SBF2: variants seen among roughly 807,000 people sequenced by gnomAD.
The protein encoded by SBF2 is SET binding factor 2, also known as myotubularin-related protein 13.
Under a neutral mutation model 225.2 loss-of-function variants are expected in SBF2, and 112 were observed. The ratio of observed to expected loss-of-function variants is 0.50; its 90% CI spans 0.43 to 0.58. SBF2 has a LOEUF of 0.58. SBF2 is among the 20% of genes least tolerant of loss of function. The probability of loss-of-function intolerance (pLI) is 0.00; values close to 1 mark genes in which losing one functional copy is unlikely to be tolerated. For missense variants in SBF2, 1,996 were observed against 2,206.2 expected (o/e 0.90, Z 1.91); for synonymous variants, 763 against 773.3 (o/e 0.99, Z 0.22).
intron 16 of SBF2, among the ~76,000 whole-genome samples, chr11:9,944,189 T>C (rs1162396995): frequency 6.6e-6 from 1 of 152,222 alleles, no homozygotes; most frequent in South Asian, 2.1e-4. Flanking sequence ...TACATCCTTA[T>C]TGGGTAAAAC....
intron 2 of SBF2, among the ~76,000 whole-genome samples, chr11:10,046,895 AC>A (rs56334514): frequency 6.6e-6 from 1 of 150,796 alleles, no homozygotes; most frequent in African/African-American, 2.4e-5. Flanking sequence ...AAAAAAAAAA[AC>A]CCATCCCTGG....
At position 10,020,073 on chromosome 11, in the gene SBF2, G is replaced by A. The variant is rs1323228782; in HGVS notation, c.619+8379C>T. On this transcript the variant is annotated intron_variant, in intron 6 of 39. Coordinates refer to ENST00000256190, the MANE Select transcript of SBF2 (RefSeq NM_030962.4). ...CAGGAATGTCAGGCGACCATCAGGT[G>A]ATGGTCAGGTAAGTTGTTAAACTCT... 2.6e-5 allele frequency among the ~76,000 whole-genome samples: 4 copies of A among 152,130 alleles called. 1 individual carries two copies. The highest frequency in any genetic ancestry group is 9.7e-5 in the African/African-American group (4 of 41,422).
intron 18 of SBF2, among the ~76,000 whole-genome samples, chr11:9,857,764 AT>A (rs1342815716): frequency 3.3e-5 from 5 of 152,340 alleles, no homozygotes; most frequent in African/African-American, 1.2e-4. Flanking sequence ...TCATAAAAAT[AT>A]TTTATGCTGA....
chr11:9,815,770 T>A (rs1854425265), intron 29 of SBF2, among the ~76,000 whole-genome samples: 1 of 152,192 alleles, frequency 6.6e-6, no homozygotes, highest in African/African-American at 2.4e-5. Context: ...TTTTTGGATA[T>A]AAAATTATCT....
intron 2 of SBF2, among the ~76,000 whole-genome samples, chr11:10,078,308 T>A (rs1951210533): frequency 6.6e-6 from 1 of 152,238 alleles, no homozygotes; most frequent in South Asian, 2.1e-4. Flanking sequence ...TCAATCATTC[T>A]AATATAAAGA....
chr11:9,911,818 G>C (rs954992904), intron 16 of SBF2, among the ~76,000 whole-genome samples: 10 of 152,152 alleles, frequency 6.6e-5, no homozygotes, highest in African/African-American at 2.4e-4. Context: ...TTACCATTGT[G>C]TTACAACTGC....
At chr11:10,272,814 T>C (rs929729078) in intron 1 of SBF2, among the ~76,000 whole-genome samples, 1 of 151,508 alleles carries the variant, frequency 6.6e-6, no homozygotes, top group Non-Finnish European at 1.5e-5. Context: ...CTCCCGCCTG[T>C]AATCCCAGCA....
intron 2 of SBF2, among the ~76,000 whole-genome samples, chr11:10,081,524 T>C (rs963576394): frequency 6.6e-6 from 1 of 152,104 alleles, no homozygotes; most frequent in Non-Finnish European, 1.5e-5. Context: ...TTTGGGAGGC[T>C]GAGACGGATA....
intron 19 of SBF2, among the ~76,000 whole-genome samples, chr11:9,854,186 C>T (rs1197574339): frequency 1.3e-5 from 2 of 152,158 alleles, no homozygotes; most frequent in African/African-American, 2.4e-5. Flanking sequence ...TTTTTCTCAG[C>T]AACAAGCGTA....
intron 16 of SBF2, among the ~76,000 whole-genome samples, chr11:9,930,814 A>G (rs1026176806): frequency 6.6e-6 from 1 of 152,242 alleles, no homozygotes; most frequent in Non-Finnish European, 1.5e-5. Flanking sequence ...ACCTGCGAAG[A>G]GCAAGAGATT....
intron 12 of SBF2, among the ~76,000 whole-genome samples, chr11:9,991,555 T>A (rs1947439635): frequency 6.6e-6 from 1 of 152,160 alleles, no homozygotes; most frequent in Non-Finnish European, 1.5e-5. Context: ...ACTTTTTACA[T>A]TTTTGGTTCT....
In SBF2 at chr11:9,888,294, T is replaced by G. The variant is rs369531755; in HGVS notation, c.1929+7649A>C. 2.2e-4 allele frequency among the ~76,000 whole-genome samples: 34 copies of G among 152,180 alleles called. 1 individual carries two copies. The highest frequency in any genetic ancestry group is 7.7e-4 in the African/African-American group (32 of 41,532). On this transcript the variant is annotated intron_variant, in intron 17 of 39. Transcript: ENST00000256190. ...GGAGGATCACTTGAGCCCAGGAGTT[T>G]GAGACCAGCCTGGGCAATACAGTGA...
chr11:10,145,579 T>C (rs1276433455), intron 2 of SBF2, among the ~76,000 whole-genome samples: 2 of 152,284 alleles, frequency 1.3e-5, no homozygotes, highest in East Asian at 3.9e-4. Context: ...TTACAAACTC[T>C]TCCTAGGCAA....
chr11:10,064,149 A>G (rs1590871068), intron 2 of SBF2, among the ~76,000 whole-genome samples: 3 of 152,308 alleles, frequency 2.0e-5, no homozygotes, highest in Admixed American at 2.0e-4. Context: ...TGGGGTTTAT[A>G]GCATATATAA....
chr11:10,284,773 G>A (rs1963635230), intron 1 of SBF2, among the ~76,000 whole-genome samples: 1 of 151,848 alleles, frequency 6.6e-6, no homozygotes, highest in Non-Finnish European at 1.5e-5. Flanking sequence ...ATCACACCTG[G>A]CTAATTCATT....
intron 2 of SBF2, among the ~76,000 whole-genome samples, chr11:10,073,808 A>G (rs1227018093): frequency 3.3e-5 from 5 of 152,170 alleles, no homozygotes; most frequent in Admixed American, 1.3e-4. Context: ...AAACAAACCA[A>G]CTGTGAAAAG....
chr11:10,136,579 T>G (rs1255786009), intron 2 of SBF2, among the ~76,000 whole-genome samples: 1 of 152,158 alleles, frequency 6.6e-6, no homozygotes, highest in African/African-American at 2.4e-5. Context: ...AGGAGGATGT[T>G]GTATGGCCAA....
At chr11:9,925,683 C>T (rs1360959464) in intron 16 of SBF2, among the ~76,000 whole-genome samples, 3 of 152,180 alleles carry the variant, frequency 2.0e-5, no homozygotes, top group African/African-American at 7.2e-5. Context: ...TTCACCTAGT[C>T]GAATCTAGTT....
chr11:10,256,372 C>CT (rs1817687364), intron 1 of SBF2, among the ~76,000 whole-genome samples: 2 of 152,166 alleles, frequency 1.3e-5, no homozygotes, highest in Admixed American at 1.3e-4. Flanking sequence ...TTGAAATTCC[C>CT]TAAGAAAGAT....
Sources: allele counts gnomAD v4.1 joint callset (sites outside exome capture counted in the v4.1 genomes callset), GRCh38; gene constraint gnomAD v4.1.1; transcripts MANE v1.5; gene names NCBI Gene and HGNC (gene_info 2026-07-23, HGNC 2026-07-21).